Variants in DDX10 observed in about 807,000 individuals in gnomAD.
The protein encoded by DDX10 is probable ATP-dependent RNA helicase DDX10.
Under a neutral mutation model 104.3 loss-of-function variants are expected in DDX10, and 74 were observed. The ratio of observed to expected loss-of-function variants is 0.71; its 90% CI spans 0.59 to 0.86. The LOEUF (loss-of-function observed/expected upper bound fraction) is 0.86, where lower values mean the gene tolerates loss of function less well. Ranked by LOEUF, DDX10 falls within the 40% of genes least tolerant of loss-of-function variation. DDX10 has a pLI of 0.00. For synonymous variants in DDX10, 351 were observed against 353.4 expected, an observed-to-expected ratio of 0.99 and a Z score of 0.08; for missense variants, 952 against 1,040.0, an observed-to-expected ratio of 0.92 and a Z score of 1.16.
chr11:108,708,346 C>T (rs1403317824), intron 10 of DDX10, among the ~76,000 whole-genome samples: 12 of 93,564 alleles, frequency 1.3e-4, no homozygotes, highest in East Asian at 3.0e-4. Context: ...ACATTAAGGT[C>T]TTTTTTTTTT....
At chr11:108,823,234 G>A (rs940712352) in intron 13 of DDX10, among the ~76,000 whole-genome samples, 4 of 152,142 alleles carry the variant, frequency 2.6e-5, no homozygotes, top group South Asian at 2.1e-4. Flanking sequence ...TTGTCGAAAC[G>A]TAGTACACAT....
At chr11:108,766,364 C>T (rs372064841) in intron 13 of DDX10, among the ~76,000 whole-genome samples, 35 of 152,134 alleles carry the variant, frequency 2.3e-4, no homozygotes, top group African/African-American at 6.5e-4. Flanking sequence ...AATAAGGTAG[C>T]GCAGGATTTT....
chr11:108,905,314 G>GT (rs898502339), intron 16 of DDX10, among the ~76,000 whole-genome samples: 2 of 126,526 alleles, frequency 1.6e-5, no homozygotes, highest in South Asian at 2.3e-4. Flanking sequence ...ATTGTTTAAG[G>GT]GGGGGGGGGG....
At chr11:108,707,904 A>G (rs138574087) in intron 10 of DDX10, among the ~76,000 whole-genome samples, 48 of 152,354 alleles carry the variant, frequency 3.2e-4, no homozygotes, top group African/African-American at 1.0e-3. Flanking sequence ...AGGACATCTT[A>G]ATTGCTTCCA....
intron 13 of DDX10, among the ~76,000 whole-genome samples, chr11:108,787,389 C>T (rs1861809153): frequency 6.6e-6 from 1 of 152,086 alleles, no homozygotes. Context: ...ATGTCTTCCT[C>T]TAGCAGGATT....
chr11:108,677,779 A>T (rs1289554362), intron 4 of DDX10, among the ~76,000 whole-genome samples: 1 of 151,120 alleles, frequency 6.6e-6, no homozygotes, highest in African/African-American at 2.4e-5. Flanking sequence ...AACATGCACA[A>T]AAGAAGAAAG....
chr11:108,764,584 G>A (rs1403534011), intron 13 of DDX10, among the ~76,000 whole-genome samples: 1 of 152,154 alleles, frequency 6.6e-6, no homozygotes, highest in Non-Finnish European at 1.5e-5. Flanking sequence ...CAGGAGAATT[G>A]CTTGAACCCA....
Position 108,675,684 on chromosome 11 carries a change from G to C in DDX10, c.336G>C (p.Ala112=). ...TGCAAGGTAAAGATGTACTTGGAGCGGCCAAAACTGGATCTGGCAAGACTC... is the reference window on the plus strand; with the variant it reads ...TGCAAGGTAAAGATGTACTTGGAGCCGCCAAAACTGGATCTGGCAAGACTC... ...LALQGKDVLG[A]AKTGSGKTLA... is the part of the protein sequence containing the mutation. The change falls in exon 3 of 18, where the codon GCG becomes GCC. Residue 112 remains alanine, a synonymous_variant. Transcript: ENST00000322536. The C allele has an allele frequency of 6.2e-7, 1 of 1,614,150 alleles. No homozygotes were observed. The highest frequency in any genetic ancestry group is 8.5e-7 in the Non-Finnish European group (1 of 1,180,024).
chr11:108,839,231 T>C (rs1377935528), intron 14 of DDX10, among the ~76,000 whole-genome samples: 2 of 152,202 alleles, frequency 1.3e-5, no homozygotes, highest in Non-Finnish European at 1.5e-5. Flanking sequence ...GTAGGGTCTT[T>C]TGAATATCAT....
chr11:108,789,586 T>C (rs1861843199), intron 13 of DDX10, among the ~76,000 whole-genome samples: 1 of 152,244 alleles, frequency 6.6e-6, no homozygotes, highest in Non-Finnish European at 1.5e-5. Flanking sequence ...ATCATTCTTG[T>C]CTGGCTCATG....
intron 13 of DDX10, among the ~76,000 whole-genome samples, chr11:108,745,068 TTCC>T (rs2094329830): frequency 2.0e-5 from 1 of 49,234 alleles, no homozygotes; most frequent in Admixed American, 3.0e-4. Flanking sequence ...CCCTTCCCCC[TTCC>T]CCCTTCCCTT....
At chr11:108,787,830 T>C (rs1445334373) in intron 13 of DDX10, among the ~76,000 whole-genome samples, 3 of 152,090 alleles carry the variant, frequency 2.0e-5, no homozygotes, top group Non-Finnish European at 4.4e-5. Flanking sequence ...CTTGGGAGGC[T>C]GAGGCAGGAG....
chr11:108,824,848 A>G (rs550124115), intron 13 of DDX10, among the ~76,000 whole-genome samples: 1 of 152,314 alleles, frequency 6.6e-6, no homozygotes, highest in East Asian at 1.9e-4. Context: ...GGCGAACAGA[A>G]CAGTAAATGG....
chr11:108,722,918 C>G, intron 12 of DDX10, 79 bp from the exon 13 acceptor site: 1 of 1,476,224 alleles, frequency 6.8e-7, no homozygotes, highest in South Asian at 1.5e-5. Context: ...AATCTCTGCT[C>G]TTGAGAAACT....
At chr11:108,901,048 C>T (rs1371667146) in intron 16 of DDX10, among the ~76,000 whole-genome samples, 6 of 152,280 alleles carry the variant, frequency 3.9e-5, no homozygotes, top group African/African-American at 1.4e-4. Context: ...CCACCACCAC[C>T]TTGTCCCAGT....
intron 12 of DDX10, 137 bp from the exon 13 acceptor site, chr11:108,722,860 G>C: frequency 7.5e-7 from 1 of 1,338,042 alleles, no homozygotes; most frequent in Non-Finnish European, 9.9e-7. Context: ...TAACCTGTTA[G>C]TATTGAGTTG....
At chr11:108,938,063 G>A (rs17108765) in intron 17 of DDX10, among the ~76,000 whole-genome samples, 1,857 of 152,108 alleles carry the variant, frequency 0.012, 39 homozygotes, top group African/African-American at 0.042. Flanking sequence ...TACCTCCCTC[G>A]GCTTAGTGGA....
intron 16 of DDX10, among the ~76,000 whole-genome samples, chr11:108,877,392 G>T (rs1322664458): frequency 6.6e-6 from 1 of 151,964 alleles, no homozygotes; most frequent in East Asian, 1.9e-4. Context: ...AATACTTTTG[G>T]TTATAGACAG....
chr11:108,910,474 T>C (rs139736822), intron 16 of DDX10, among the ~76,000 whole-genome samples: 3 of 152,334 alleles, frequency 2.0e-5, no homozygotes, highest in African/African-American at 4.8e-5. Flanking sequence ...TTTCTTGCCA[T>C]TATCAAAACC....
Sources: allele counts gnomAD v4.1 joint callset (sites outside exome capture counted in the v4.1 genomes callset), GRCh38; gene constraint gnomAD v4.1.1; transcripts MANE v1.5; gene names NCBI Gene and HGNC (gene_info 2026-07-23, HGNC 2026-07-21).